PREX2: variants seen among roughly 807,000 people sequenced by gnomAD.
PREX2 encodes phosphatidylinositol 3,4,5-trisphosphate-dependent Rac exchanger 2 protein.
In PREX2, 107 loss-of-function variants were observed where a neutral mutation model predicts 203.2. The ratio of observed to expected loss-of-function variants is 0.53; its 90% confidence interval spans 0.45 to 0.62. The LOEUF (loss-of-function observed/expected upper bound fraction) is 0.62, where lower values mean the gene tolerates loss of function less well. Ranked by LOEUF, PREX2 falls within the 20% of genes least tolerant of loss-of-function variation. The pLI is 0.00. For missense variants in PREX2, 1,777 were observed against 1,955.9 expected (o/e 0.91, Z 1.72); for synonymous variants, 672 against 663.6 (o/e 1.01, Z -0.19).
At position 68,080,787 on chromosome 8, in the gene PREX2, CA is replaced by C; in HGVS notation, c.1832del (p.Asn611IlefsTer5). The C allele has an allele frequency of 6.4e-7, 1 of 1,563,144 alleles. No homozygotes were observed. The highest frequency in any genetic ancestry group is 1.7e-5 in the Admixed American group (1 of 57,908). ...EGSYGFGLED[K>X]NKVPIIKLVE... ...GCAGCTATGGCTTTGGATTAGAAGA[CA>C]AAAATAAAGTTCCAATAATAAAGTT... is the stretch of plus-strand genomic sequence containing the variant. On this transcript the variant is annotated frameshift_variant, in exon 17 of 40. Transcript: ENST00000288368. LOFTEE classifies it high-confidence loss of function.
chr8:68,043,240 A>G (rs973885120), intron 7 of PREX2, among the ~76,000 whole-genome samples: 3 of 152,096 alleles, frequency 2.0e-5, no homozygotes, highest in African/African-American at 4.8e-5. Flanking sequence ...GTTGCTTTCA[A>G]AATGAACATG....
chr8:68,105,715 A>ATGTG, intron 23 of PREX2: 4 of 179,298 alleles, frequency 2.2e-5, no homozygotes, highest in Non-Finnish European at 2.6e-5. Flanking sequence ...ATATATACAC[A>ATGTG]TATATATACA....
chr8:68,057,501 C>T (rs1808715887), intron 10 of PREX2, among the ~76,000 whole-genome samples: 1 of 152,190 alleles, frequency 6.6e-6, no homozygotes, highest in Non-Finnish European at 1.5e-5. Flanking sequence ...TTCTTCTTCA[C>T]TAAGAGTGAT....
chr8:68,157,938 C>CA (rs1811573565), intron 35 of PREX2, among the ~76,000 whole-genome samples: 1 of 151,408 alleles, frequency 6.6e-6, no homozygotes, highest in East Asian at 1.9e-4. Flanking sequence ...CTTTTTCCCC[C>CA]CAAAAAATAG....
chr8:68,172,277 G>A lies in PREX2; in HGVS notation c.4346+14841G>A, dbSNP rs1184072234. The stretch of plus-strand genomic sequence containing the variant: ...TTTCCTACACATGAAATTTATGAAA[G>A]ATCTACCATTTACAAAATATGTTAT... On this transcript the variant is annotated intron_variant, in intron 35 of 39. Transcript: ENST00000288368. Among the ~76,000 whole-genome samples the A allele has an allele frequency of 2.0e-5, 3 of 152,286 alleles. No homozygotes were observed. The East Asian group carries it at 5.8e-4, about 29-fold the overall frequency.
chr8:68,233,935 C>A lies in PREX2; in HGVS notation c.*2557C>A, dbSNP rs1813217309. On this transcript the variant is annotated 3_prime_UTR_variant, in exon 40 of 40. Transcript: ENST00000288368. ...CATGTGTTGTCATTAAATTATACATCTTGTATTAAAAAACGGTGAATGGAA... is the reference window on the plus strand; with the variant it reads ...CATGTGTTGTCATTAAATTATACATATTGTATTAAAAAACGGTGAATGGAA... 6.6e-6 allele frequency: 1 copy of A among 152,072 alleles called. No individual in the cohort carries two copies. 9.4% of individuals were successfully genotyped at this position (152,072 alleles called of 1,614,324 possible).
chr8:68,013,555 C>A (rs140793800), intron 1 of PREX2, among the ~76,000 whole-genome samples: 1 of 152,258 alleles, frequency 6.6e-6, no homozygotes, highest in East Asian at 1.9e-4. Flanking sequence ...TCATGCAAAC[C>A]CAAATGACAA....
At position 68,235,619 on chromosome 8, in the gene PREX2, C is replaced by A. The variant is rs1468110028; in HGVS notation, c.*4241C>A. The A allele has an allele frequency of 1.3e-5, 2 of 152,216 alleles. No individual in the cohort carries two copies. The highest frequency in any genetic ancestry group is 4.1e-4 in the South Asian group (2 of 4,826). The allele number at this position is 152,216 out of a possible 1,614,324, so 9.4% of individuals were successfully genotyped here. A position where few individuals can be genotyped will look rare whatever the true frequency, so the allele number is the denominator to read the frequency against. On this transcript the variant is annotated 3_prime_UTR_variant, in exon 40 of 40. Transcript: ENST00000288368. ...TGAGCCTCAGCAAAGTTTCACCCTG[C>A]ATGAAGCAGAACAGGTGGGGGAAAA...
At chr8:68,131,850 C>A (rs1811017331) in intron 31 of PREX2, among the ~76,000 whole-genome samples, 1 of 152,086 alleles carries the variant, frequency 6.6e-6, no homozygotes, top group African/African-American at 2.4e-5. Context: ...TCCATAATTT[C>A]TTTCCAATTA....
chr8:68,097,899 A>G (rs1316898296), intron 22 of PREX2, among the ~76,000 whole-genome samples: 1 of 152,244 alleles, frequency 6.6e-6, no homozygotes, highest in Non-Finnish European at 1.5e-5. Context: ...AATACATTAT[A>G]AGAAATTTCA....
At chr8:68,096,851 A>G (rs1024695134) in intron 21 of PREX2, among the ~76,000 whole-genome samples, 166 bp from the exon 22 acceptor site, 4 of 152,198 alleles carry the variant, frequency 2.6e-5, no homozygotes, top group African/African-American at 7.2e-5. Context: ...TTTTCTCGAA[A>G]TGTTATTTTT....
intron 39 of PREX2, among the ~76,000 whole-genome samples, chr8:68,229,595 A>G (rs2129615604): frequency 6.6e-6 from 1 of 152,348 alleles, no homozygotes; most frequent in East Asian, 1.9e-4. Flanking sequence ...TTAGGTGATC[A>G]CAGGGAGTAG....
At chr8:68,196,060 T>G (rs896938443) in intron 37 of PREX2, among the ~76,000 whole-genome samples, 7 of 152,104 alleles carry the variant, frequency 4.6e-5, no homozygotes, top group Non-Finnish European at 1.5e-5. Context: ...CCCAAAGCAT[T>G]TAGCCTGGTT....
At chr8:68,075,876 A>G (rs961928713) in intron 14 of PREX2, among the ~76,000 whole-genome samples, 29 of 152,112 alleles carry the variant, frequency 1.9e-4, no homozygotes, top group African/African-American at 5.8e-4. Flanking sequence ...TTGCTCCTTT[A>G]TAGACAGGTA....
chr8:68,134,437 T>A, intron 32 of PREX2, among the ~76,000 whole-genome samples, 161 bp downstream of exon 32: 1 of 152,224 alleles, frequency 6.6e-6, no homozygotes, highest in Non-Finnish European at 1.5e-5. Flanking sequence ...GTCCTTCAAA[T>A]TTTAATAAGT....
At chr8:68,039,283 G>A (rs959187745) in intron 7 of PREX2, among the ~76,000 whole-genome samples, 6 of 152,042 alleles carry the variant, frequency 3.9e-5, no homozygotes, top group Non-Finnish European at 5.9e-5. Flanking sequence ...AAGCACTACT[G>A]TGCTTCTTAC....
chr8:68,121,010 G>A lies in PREX2; in HGVS notation c.3685G>A (p.Val1229Ile), dbSNP rs530869739. 2.1e-5 allele frequency: 34 copies of A among 1,613,692 alleles called. No individual in the cohort carries two copies. Among genetic ancestry groups the A allele is most frequent in the Middle Eastern group, 1.7e-4 (1 of 6,060 alleles). ...KQDPWNLPSS[V>I]RTLAQNIRKF... ...AGATCCTTGGAATCTTCCCAGCAGC[G>A]TCCGGACTCTTGCTCAGAACATCAG... Residue 1229 changes from valine to isoleucine, a missense_variant, in exon 30 of 40, where the codon GTC becomes ATC. Coordinates refer to ENST00000288368, the MANE Select transcript of PREX2 (RefSeq NM_024870.4).
chr8:68,132,307 A>G (rs1054217724), intron 31 of PREX2, among the ~76,000 whole-genome samples: 5 of 151,764 alleles, frequency 3.3e-5, no homozygotes, highest in Non-Finnish European at 7.4e-5. Context: ...TTTCCAGTTT[A>G]GAGATTTTAT....
At chr8:68,060,842 A>G (rs1808829555) in intron 11 of PREX2, 63 bp downstream of exon 11, 4 of 1,103,728 alleles carry the variant, frequency 3.6e-6, no homozygotes, top group South Asian at 1.5e-5. Flanking sequence ...TCTTAATCCC[A>G]TTTATCAGTT....
Sources: allele counts gnomAD v4.1 joint callset (sites outside exome capture counted in the v4.1 genomes callset), GRCh38; gene constraint gnomAD v4.1.1; transcripts MANE v1.5; gene names NCBI Gene and HGNC (gene_info 2026-07-23, HGNC 2026-07-21).